TMEM132D: variants seen among roughly 807,000 people sequenced by gnomAD.
TMEM132D encodes the protein transmembrane protein 132D.
A neutral mutation model predicts 62.3 loss-of-function variants in TMEM132D; 21 were observed. The observed-to-expected ratio is 0.34, with a 90% CI of 0.24 to 0.49. The LOEUF (loss-of-function observed/expected upper bound fraction) is 0.49, where lower values mean the gene tolerates loss of function less well. Among genes scored for constraint, TMEM132D ranks in the 20% least tolerant of loss-of-function variants. TMEM132D has a pLI of 0.99. For missense variants in TMEM132D, 1,346 were observed against 1,402.8 expected (o/e 0.96, Z 0.65); for synonymous variants, 621 against 575.6 (o/e 1.08, Z -1.13).
chr12:129,129,308 A>G (rs1438998288), intron 5 of TMEM132D, among the ~76,000 whole-genome samples: 3 of 152,228 alleles, frequency 2.0e-5, no homozygotes, highest in African/African-American at 2.4e-5. Flanking sequence ...ACATTGCTGC[A>G]AAGGACATGA....
At chr12:129,398,217 G>GA (rs1160193829) in intron 3 of TMEM132D, among the ~76,000 whole-genome samples, 1 of 152,170 alleles carries the variant, frequency 6.6e-6, no homozygotes, top group Non-Finnish European at 1.5e-5. Flanking sequence ...TTGTTTAAAA[G>GA]AAGTCTGGAG....
At chr12:129,556,200 G>T (rs1877051495) in intron 2 of TMEM132D, among the ~76,000 whole-genome samples, 1 of 152,150 alleles carries the variant, frequency 6.6e-6, no homozygotes, top group African/African-American at 2.4e-5. Context: ...GTCATGCTCT[G>T]TTCTGTTTCA....
chr12:129,683,968 C>T (rs373785139), intron 2 of TMEM132D, among the ~76,000 whole-genome samples: 107 of 152,280 alleles, frequency 7.0e-4, no homozygotes, highest in African/African-American at 2.6e-3. Context: ...CAGGGTGAAG[C>T]TATGATGAGC....
chr12:129,251,256 G>GT (rs1880255300), intron 4 of TMEM132D, among the ~76,000 whole-genome samples: 1 of 151,556 alleles, frequency 6.6e-6, no homozygotes, highest in Non-Finnish European at 1.5e-5. Flanking sequence ...CTACTCGGGA[G>GT]GCTGAGGCAG....
At chr12:129,360,967 G>T (rs530325297) in intron 3 of TMEM132D, among the ~76,000 whole-genome samples, 4 of 152,244 alleles carry the variant, frequency 2.6e-5, no homozygotes, top group African/African-American at 7.2e-5. Flanking sequence ...TCTGTGAATG[G>T]GAGCGCTCTT....
At chr12:129,581,003 C>G (rs535648685) in intron 2 of TMEM132D, among the ~76,000 whole-genome samples, 16 of 152,328 alleles carry the variant, frequency 1.1e-4, no homozygotes, top group African/African-American at 3.8e-4. Context: ...ATATCTGACC[C>G]TCCAAACTTC....
At chr12:129,516,686 A>G (rs537498132) in intron 3 of TMEM132D, among the ~76,000 whole-genome samples, 1 of 152,294 alleles carries the variant, frequency 6.6e-6, no homozygotes, top group African/African-American at 2.4e-5. Flanking sequence ...TTGCCAAACC[A>G]TAACACATCA....
chr12:129,834,276 T>C (rs1189417268), intron 1 of TMEM132D, among the ~76,000 whole-genome samples: 1 of 152,152 alleles, frequency 6.6e-6, no homozygotes, highest in Non-Finnish European at 1.5e-5. Flanking sequence ...GGGCTTGTTT[T>C]GAAACAAACC....
chr12:129,722,742 C>CTTT (rs67984947), intron 1 of TMEM132D, among the ~76,000 whole-genome samples: 6 of 81,914 alleles, frequency 7.3e-5, no homozygotes, highest in African/African-American at 1.3e-4. Flanking sequence ...TTCTTTTTTT[C>CTTT]TTTTTTTTTT....
chr12:129,302,072 A>G (rs1392732652), intron 4 of TMEM132D, among the ~76,000 whole-genome samples: 1 of 152,164 alleles, frequency 6.6e-6, no homozygotes, highest in African/African-American at 2.4e-5. Flanking sequence ...CTTGAGAAGC[A>G]AGAACAAGGT....
intron 5 of TMEM132D, chr12:129,169,985 T>C (rs1877675441): frequency 6.6e-6 from 1 of 152,238 alleles, no homozygotes; most frequent in East Asian, 1.9e-4. Context: ...AAGATCTATT[T>C]AGCACCTGCA....
chr12:129,316,934 A>G (rs1259050522), intron 4 of TMEM132D, among the ~76,000 whole-genome samples: 1 of 147,748 alleles, frequency 6.8e-6, no homozygotes, highest in Non-Finnish European at 1.5e-5. Flanking sequence ...CTGCTGCTTT[A>G]AAGTTTGTTT....
chr12:129,801,911 T>C (rs944154180), intron 1 of TMEM132D, among the ~76,000 whole-genome samples: 10 of 151,524 alleles, frequency 6.6e-5, no homozygotes, highest in African/African-American at 2.4e-4. Flanking sequence ...CAGGAGCCGA[T>C]GCGATCAACT....
chr12:129,698,965 C>G (rs1881302533), intron 2 of TMEM132D, among the ~76,000 whole-genome samples: 1 of 152,056 alleles, frequency 6.6e-6, no homozygotes, highest in African/African-American at 2.4e-5. Flanking sequence ...TCATAACACA[C>G]ATTTTATTAC....
chr12:129,892,419 G>A (rs1291091646), intron 1 of TMEM132D, among the ~76,000 whole-genome samples: 1 of 152,134 alleles, frequency 6.6e-6, no homozygotes, highest in Non-Finnish European at 1.5e-5. Flanking sequence ...AGGATTTTAT[G>A]AGAGTCAAAT....
chr12:129,156,711 C>G (rs1877257843), intron 5 of TMEM132D, among the ~76,000 whole-genome samples: 1 of 151,826 alleles, frequency 6.6e-6, no homozygotes, highest in Non-Finnish European at 1.5e-5. Flanking sequence ...CTATCACACT[C>G]CTGTGATAAC....
At chr12:129,552,598 TATCTATTATTTATC>T (rs953395439) in intron 2 of TMEM132D, among the ~76,000 whole-genome samples, 6 of 149,598 alleles carry the variant, frequency 4.0e-5, no homozygotes, top group African/African-American at 1.0e-4. Context: ...ATCTATTTTC[TATCTATTATTTATC>T]ATCTATTATT....
At chr12:129,553,874 G>C (rs1359522888) in intron 2 of TMEM132D, among the ~76,000 whole-genome samples, 1 of 152,156 alleles carries the variant, frequency 6.6e-6, no homozygotes, top group Non-Finnish European at 1.5e-5. Context: ...GTTAACGCAA[G>C]TGGACTCCAT....
Position 129,120,845 on chromosome 12 carries a change from C to T in TMEM132D, c.1444-36143G>A, listed in dbSNP as rs537701248. 2.5e-3 allele frequency among the ~76,000 whole-genome samples: 380 copies of T among 150,904 alleles called. 1 individual carries two copies. The highest frequency in any genetic ancestry group is 2.8e-3 in the Non-Finnish European group (190 of 67,698). On this transcript the variant is annotated intron_variant, in intron 5 of 8. Transcript: ENST00000422113. ...CAGTGCAGTTCATTTTTTTTTGTTT[C>T]GGTATTTGTTTTACAACTTTCTATT...
Sources: gnomAD v4.1 joint callset for allele counts (sites outside exome capture counted in the v4.1 genomes callset) on GRCh38, gnomAD v4.1.1 for gene constraint, MANE v1.5 for transcripts, NCBI Gene and HGNC (gene_info 2026-07-23, HGNC 2026-07-21) for gene names.